Variants in DIS3L2 observed in about 807,000 individuals in gnomAD.
DIS3L2 encodes the protein DIS3 like 3'-5' exoribonuclease 2, also known as DIS3-like exonuclease 2.
A neutral mutation model predicts 97.5 loss-of-function variants in DIS3L2; 34 were observed. The observed-to-expected ratio is 0.35, with a 90% CI of 0.27 to 0.46. DIS3L2 has a LOEUF of 0.46. Ranked by LOEUF, DIS3L2 falls within the 20% of genes least tolerant of loss-of-function variation. DIS3L2 has a pLI of 1.00. For synonymous variants in DIS3L2, 435 were observed against 445.2 expected (o/e 0.98, Z 0.29); for missense variants, 1,038 against 1,146.0 (o/e 0.91, Z 1.36).
chr2:232,148,724 T>A (rs79286740), intron 8 of DIS3L2, among the ~76,000 whole-genome samples: 3 of 149,542 alleles, frequency 2.0e-5, no homozygotes, highest in South Asian at 4.2e-4. Flanking sequence ...AGATGAAAAA[T>A]TTTTTTTCTC....
chr2:232,302,695 G>A (rs906485889), intron 14 of DIS3L2, among the ~76,000 whole-genome samples: 3 of 151,782 alleles, frequency 2.0e-5, no homozygotes, highest in African/African-American at 7.3e-5. Flanking sequence ...CGAATAGCTG[G>A]GATTACAGGT....
intron 7 of DIS3L2, among the ~76,000 whole-genome samples, chr2:232,133,920 G>A (rs1240159572): frequency 7.0e-6 from 1 of 142,334 alleles, no homozygotes; most frequent in African/African-American, 2.6e-5. Flanking sequence ...CCCAGGAGGC[G>A]GAGGTTGTAG....
intron 11 of DIS3L2, among the ~76,000 whole-genome samples, chr2:232,248,189 A>T (rs1337610650): frequency 6.6e-6 from 1 of 151,384 alleles, no homozygotes; most frequent in Non-Finnish European, 1.5e-5. Flanking sequence ...TTCTGCCCGT[A>T]AAGAAACATA....
chr2:232,006,461 G>C (rs1380627656), intron 1 of DIS3L2, among the ~76,000 whole-genome samples: 1 of 152,168 alleles, frequency 6.6e-6, no homozygotes, highest in Non-Finnish European at 1.5e-5. Context: ...GATGTCTACT[G>C]TTGCTGCCCA....
In DIS3L2 at chr2:232,337,148, A is replaced by G. The variant is rs373880134; in HGVS notation, c.*518A>G. On this transcript the variant is annotated 3_prime_UTR_variant, in exon 21 of 21. Coordinates refer to ENST00000325385, the MANE Select transcript of DIS3L2 (RefSeq NM_152383.5). Reference sequence around the variant, plus strand: ...GCTGGCTGCCTGGCAGATGATTGATACTGGAGTCTCATTCTGCCTGATTAA... The same window carrying G: ...GCTGGCTGCCTGGCAGATGATTGATGCTGGAGTCTCATTCTGCCTGATTAA... 5.1e-4 allele frequency: 511 copies of G among 1,007,148 alleles called. 1 individual carries two copies. The African/African-American group carries it at 7.7e-3, about 15-fold the overall frequency. The allele number at this position is 1,007,148 out of a possible 1,614,324, so 62.4% of individuals were successfully genotyped here.
At chr2:232,230,114 G>T (rs1244202337) in intron 10 of DIS3L2, among the ~76,000 whole-genome samples, 1 of 152,120 alleles carries the variant, frequency 6.6e-6, no homozygotes, top group Non-Finnish European at 1.5e-5. Flanking sequence ...CAGCTTTTGT[G>T]TAAGATTACA....
intron 14 of DIS3L2, among the ~76,000 whole-genome samples, chr2:232,310,970 G>A (rs1270736189): frequency 6.6e-6 from 1 of 152,262 alleles, no homozygotes; most frequent in Admixed American, 6.5e-5. Context: ...TTGAGTCAGT[G>A]CCTATTCCCC....
At chr2:232,019,727 C>CATTA (rs1363784844) in intron 3 of DIS3L2, among the ~76,000 whole-genome samples, 1 of 151,810 alleles carries the variant, frequency 6.6e-6, no homozygotes, top group African/African-American at 2.4e-5. Flanking sequence ...GCTCTGCAGG[C>CATTA]ATTAATTAAT....
At chr2:232,235,401 A>T (rs1692907032) in intron 10 of DIS3L2, among the ~76,000 whole-genome samples, 1 of 152,250 alleles carries the variant, frequency 6.6e-6, no homozygotes, top group Non-Finnish European at 1.5e-5. Flanking sequence ...AGTTCACATT[A>T]TGTAAACATA....
intron 1 of DIS3L2, among the ~76,000 whole-genome samples, chr2:232,004,641 C>T (rs1694001971): frequency 1.3e-5 from 2 of 150,210 alleles, no homozygotes; most frequent in African/African-American, 2.5e-5. Context: ...AGTGCAGTGG[C>T]GTGTTCTTGG....
intron 10 of DIS3L2, among the ~76,000 whole-genome samples, chr2:232,214,218 G>A (rs1692272867): frequency 6.6e-6 from 1 of 152,220 alleles, no homozygotes; most frequent in Non-Finnish European, 1.5e-5. Flanking sequence ...ACGCTGAAGT[G>A]TGGGAATGCC....
intron 14 of DIS3L2, among the ~76,000 whole-genome samples, chr2:232,314,693 A>G (rs1409655784): frequency 1.3e-5 from 2 of 152,222 alleles, no homozygotes; most frequent in Non-Finnish European, 2.9e-5. Flanking sequence ...CCTTTCTTGA[A>G]TAAGATTTCC....
intron 9 of DIS3L2, among the ~76,000 whole-genome samples, chr2:232,187,439 A>G (rs1423542339): frequency 6.6e-6 from 1 of 152,092 alleles, no homozygotes; most frequent in African/African-American, 2.4e-5. Context: ...AAACTTGTAC[A>G]TGAATTATTA....
chr2:232,013,465 G>A (rs182330224), intron 1 of DIS3L2, among the ~76,000 whole-genome samples: 9 of 152,212 alleles, frequency 5.9e-5, no homozygotes, highest in African/African-American at 2.2e-4. Flanking sequence ...GCGAGAACTC[G>A]CCTGTATTTT....
At chr2:232,008,177 T>A (rs2106212296) in intron 1 of DIS3L2, among the ~76,000 whole-genome samples, 1 of 150,996 alleles carries the variant, frequency 6.6e-6, no homozygotes, top group South Asian at 2.1e-4. Flanking sequence ...CATGTCCATC[T>A]AATTTTTTGT....
At chr2:232,012,312 A>G (rs1487476209) in intron 1 of DIS3L2, among the ~76,000 whole-genome samples, 1 of 152,224 alleles carries the variant, frequency 6.6e-6, no homozygotes, top group African/African-American at 2.4e-5. Flanking sequence ...TAAAGAGACA[A>G]GTTAGGTGTT....
intron 1 of DIS3L2, among the ~76,000 whole-genome samples, chr2:232,003,069 A>G (rs540069839): frequency 2.0e-5 from 3 of 152,328 alleles, no homozygotes; most frequent in Admixed American, 1.3e-4. Context: ...AGCCAGGCTT[A>G]CCCAGGTATT....
Position 232,334,707 on chromosome 2 carries a change from A to G in DIS3L2, c.2366A>G (p.Tyr789Cys). The G allele has an allele frequency of 6.2e-7, 1 of 1,609,466 alleles. No homozygotes were observed. Among genetic ancestry groups the G allele is most frequent in the Non-Finnish European group, 8.5e-7 (1 of 1,178,310 alleles). ...GCCTTCGACGTGCTGGTGCTGCGCTACGGCGTGCAGAAGCGCATCTACTGC... is the reference window on the plus strand; with the variant it reads ...GCCTTCGACGTGCTGGTGCTGCGCTGCGGCGTGCAGAAGCGCATCTACTGC... ...KQAFDVLVLRYGVQKRIYCNA... is the reference protein window; with the variant it reads ...KQAFDVLVLRCGVQKRIYCNA... The change falls in exon 19 of 21, where the codon TAC becomes TGC. Residue 789 changes from tyrosine (Y) to cysteine (C), a missense_variant. Around this residue, in one of 3 missense-constraint regions of DIS3L2, gnomAD observed 221 missense variants for 246.9 expected, o/e 0.90. Coordinates refer to ENST00000325385, the MANE Select transcript of DIS3L2 (RefSeq NM_152383.5).
intron 9 of DIS3L2, among the ~76,000 whole-genome samples, chr2:232,175,810 T>A (rs868642256): frequency 8.5e-5 from 13 of 152,146 alleles, no homozygotes; most frequent in African/African-American, 3.1e-4. Flanking sequence ...GTGGTTTGTT[T>A]ATTAATTCGG....
Sources: gnomAD v4.1 joint callset for allele counts (sites outside exome capture counted in the v4.1 genomes callset) on GRCh38, gnomAD v4.1.1 for gene constraint, gnomAD v4.1.1 regional missense constraint, MANE v1.5 for transcripts, NCBI Gene and HGNC (gene_info 2026-07-23, HGNC 2026-07-21) for gene names.